Variants in PSD2 observed in about 807,000 individuals in gnomAD.
The protein encoded by PSD2 is pleckstrin and Sec7 domain containing 2.
Under a neutral mutation model 69.8 loss-of-function variants are expected in PSD2, and 38 were observed. The ratio of observed to expected loss-of-function variants is 0.54; its 90% CI spans 0.42 to 0.71. The LOEUF (loss-of-function observed/expected upper bound fraction) is 0.71, where lower values mean the gene tolerates loss of function less well. Ranked by LOEUF, PSD2 falls within the 30% of genes least tolerant of loss-of-function variation. The pLI is 0.00. For missense variants in PSD2, 943 were observed against 1,014.5 expected (o/e 0.93, Z 0.96); for synonymous variants, 412 against 423.0 (o/e 0.97, Z 0.32).
rs758086669 is a variant in PSD2 at position 139,836,966 on chromosome 5, C to A, written c.1559C>A (p.Thr520Asn). ...SATTYKHGVL[T>N]RKTHADMDGK... is the part of the protein sequence containing the mutation. Reference sequence around the variant, plus strand: ...ACCACCTACAAGCACGGCGTCCTGACCCGGAAGACTCACGCTGACATGGAT... The same window carrying A: ...ACCACCTACAAGCACGGCGTCCTGAACCGGAAGACTCACGCTGACATGGAT... The change falls in exon 10 of 15, where the codon ACC becomes AAC. Residue 520 changes from threonine (T) to asparagine (N), a missense_variant. By Grantham distance (65) the Thr-to-Asn change is moderately conservative. This residue lies in a region of PSD2 where 312 missense variants were observed against 400.7 expected (regional missense o/e 0.78). Coordinates refer to ENST00000274710, the MANE Select transcript of PSD2 (RefSeq NM_032289.4). 7 of 1,613,732 alleles carry A rather than the reference C, an allele frequency of 4.3e-6. No individual in the cohort carries two copies. Among genetic ancestry groups the A allele is most frequent in the South Asian group, 3.3e-5 (3 of 91,086 alleles).
At chr5:139,749,007 C>T in the PSD2 span, among the ~76,000 whole-genome samples, 1 of 152,088 alleles carries the variant, frequency 6.6e-6, no homozygotes, top group Admixed American at 6.5e-5. Context: ...TCAGGGCAGA[C>T]AGTCCTTCCT....
chr5:139,840,162 AC>A lies in PSD2; in HGVS notation c.2106del (p.Phe703SerfsTer15). 1 of 1,610,946 alleles carries A rather than the reference AC, an allele frequency of 6.2e-7. No individual in the cohort carries two copies. The highest frequency in any genetic ancestry group is 8.5e-7 in the Non-Finnish European group (1 of 1,177,400). ...EEYRLKEHYLTFEKSRYETYI... is the reference protein window; with the variant it reads ...EEYRLKEHYLXFEKSRYETYI... ...GTACCGGTTGAAGGAGCACTATCTC[AC>A]CTTCGAGGTGAGCCTTGGGGGACTG... On this transcript the variant is annotated frameshift_variant, in exon 14 of 15. Coordinates refer to ENST00000274710, the MANE Select transcript of PSD2 (RefSeq NM_032289.4). LOFTEE classifies it high-confidence loss of function.
intron 4 of PSD2, 45 bp from the exon 5 acceptor site, chr5:139,817,435 TG>T (rs1760148417): frequency 6.4e-7 from 1 of 1,555,094 alleles, no homozygotes; most frequent in Non-Finnish European, 8.9e-7. Flanking sequence ...CTGTCATCCT[TG>T]GGCTGGACCC....
In PSD2 at chr5:139,844,452, A is replaced by G. The variant is rs1467207625; in HGVS notation, c.*1978A>G. On this transcript the variant is annotated 3_prime_UTR_variant, in exon 15 of 15. Transcript: ENST00000274710. ...AAAAAGATGAGATGAAAATAAATCT[A>G]AGTCAAAGTTCTAATAGTTCTTCCT... 6.6e-6 allele frequency: 1 copy of G among 152,544 alleles called. No homozygotes were observed. Among genetic ancestry groups the G allele is most frequent in the Non-Finnish European group, 1.5e-5 (1 of 68,062 alleles). 9.4% of individuals were successfully genotyped at this position (152,544 alleles called of 1,614,324 possible). A position where few individuals can be genotyped will look rare whatever the true frequency, so the allele number is the denominator to read the frequency against.
At chr5:139,809,237 G>A (rs1031228956) in intron 1 of PSD2, among the ~76,000 whole-genome samples, 154 bp from the exon 2 acceptor site, 2 of 152,192 alleles carry the variant, frequency 1.3e-5, no homozygotes, top group Admixed American at 6.5e-5. Flanking sequence ...AGCATGGCCC[G>A]AACCCACACT....
chr5:139,778,773 C>CA, the PSD2 span, among the ~76,000 whole-genome samples: 1 of 151,076 alleles, frequency 6.6e-6, no homozygotes, highest in African/African-American at 2.4e-5. Context: ...AAAAAAAGTG[C>CA]AAAAAATTAG....
chr5:139,742,569 T>G, the PSD2 span: 1 of 152,578 alleles, frequency 6.6e-6, no homozygotes, highest in Admixed American at 6.5e-5. Context: ...TTCAGCCTGC[T>G]CAGGTAGGGC....
the PSD2 span, among the ~76,000 whole-genome samples, chr5:139,790,393 A>G: frequency 3.3e-5 from 5 of 152,072 alleles, no homozygotes; most frequent in Non-Finnish European, 7.4e-5. Flanking sequence ...TCACACACCG[A>G]GAAGCTTCAG....
chr5:139,840,622 C>T (rs1327635127), intron 14 of PSD2, among the ~76,000 whole-genome samples: 3 of 150,494 alleles, frequency 2.0e-5, no homozygotes, highest in Non-Finnish European at 4.4e-5. Context: ...ACGATCTTGG[C>T]TCACTATAAT....
At chr5:139,808,369 T>C (rs1390220178) in intron 1 of PSD2, among the ~76,000 whole-genome samples, 2 of 152,334 alleles carry the variant, frequency 1.3e-5, no homozygotes, top group East Asian at 3.9e-4. Context: ...CTGGGAAATG[T>C]GGGCTGGTCC....
At chr5:139,840,214 T>C (rs1329562201) in intron 14 of PSD2, 44 bp downstream of exon 14, 1 of 1,605,448 alleles carries the variant, frequency 6.2e-7, no homozygotes, top group South Asian at 1.1e-5. Flanking sequence ...TGCCCTGCTC[T>C]TTCTCCTTCC....
the PSD2 span, among the ~76,000 whole-genome samples, chr5:139,751,717 A>G: frequency 1.3e-5 from 2 of 151,626 alleles, no homozygotes; most frequent in South Asian, 2.1e-4. Flanking sequence ...TCATCAGGGA[A>G]GGAGAGATGA....
intron 1 of PSD2, among the ~76,000 whole-genome samples, chr5:139,800,277 T>C (rs1227013904): frequency 6.6e-6 from 1 of 152,258 alleles, no homozygotes; most frequent in Non-Finnish European, 1.5e-5. Context: ...TGAATGGGGC[T>C]GAGCAAAACA....
rs1464548880 is a variant in PSD2 at position 139,814,317 on chromosome 5, C to G, written c.969C>G (p.His323Gln). The G allele has an allele frequency of 6.2e-6, 10 of 1,612,186 alleles. No individual in the cohort carries two copies. In the African/African-American group the frequency reaches 1.3e-4, roughly 22 times the overall value. Residue 323 changes from histidine to glutamine, a missense_variant, in exon 4 of 15, where the codon CAC becomes CAG. By Grantham distance (24) the His-to-Gln change is conservative. Transcript: ENST00000274710. The surrounding 1 kb of genome is among the most constrained non-coding windows in gnomAD (Gnocchi z 4.4). The stretch of plus-strand genomic sequence containing the variant: ...ATCGGCTGGCACGCCGTCTCTACCA[C>G]CTCGAGGGCTTCCAGCGCTGTGATG... The part of the protein sequence containing the change: ...AAHRLARRLY[H>Q]LEGFQRCDVA...
intron 5 of PSD2, 140 bp downstream of exon 5, chr5:139,817,701 C>T: frequency 1.5e-6 from 1 of 687,030 alleles, no homozygotes. Context: ...GAAGGGGCCA[C>T]AGGAGCAGCA....
At chr5:139,753,818 GTTT>G in the PSD2 span, among the ~76,000 whole-genome samples, 9 of 143,420 alleles carry the variant, frequency 6.3e-5, no homozygotes, top group African/African-American at 2.4e-4. Context: ...TCCCAGAGTT[GTTT>G]TTTTTTTTGT....
At position 139,809,537 on chromosome 5, in the gene PSD2, G is replaced by T. The variant is rs2126934343; in HGVS notation, c.97G>T (p.Gly33Trp). The T allele has an allele frequency of 6.2e-7, 1 of 1,613,546 alleles. No individual in the cohort carries two copies. Among genetic ancestry groups the T allele is most frequent in the East Asian group, 2.2e-5 (1 of 44,864 alleles). Residue 33 changes from glycine (G) to tryptophan (W), a missense_variant, in exon 2 of 15, where the codon GGG (glycine) becomes TGG (tryptophan). By Grantham distance (184) the Gly-to-Trp change is radical (BLOSUM62 -2). Around this residue, in one of 3 missense-constraint regions of PSD2, gnomAD observed 466 missense variants for 445.0 expected, o/e 1.05. Coordinates refer to ENST00000274710, the MANE Select transcript of PSD2 (RefSeq NM_032289.4). ...EPEEEPGVRN[G>W]MASEGLNSSL... is the part of the protein sequence containing the mutation. ...TGAAGAGGAGCCAGGGGTCCGGAAT[G>T]GGATGGCCAGTGAGGGCCTGAACAG... is the stretch of plus-strand genomic sequence containing the variant.
intron 7 of PSD2, among the ~76,000 whole-genome samples, chr5:139,827,835 A>T (rs1200259512): frequency 6.6e-6 from 1 of 152,234 alleles, no homozygotes; most frequent in South Asian, 2.1e-4. Flanking sequence ...AACCACCCCC[A>T]TGATCCAATC....
chr5:139,786,372 A>G, the PSD2 span, among the ~76,000 whole-genome samples: 1 of 152,222 alleles, frequency 6.6e-6, no homozygotes, highest in Non-Finnish European at 1.5e-5. Flanking sequence ...TGGGGGACAG[A>G]GCAAGACCCT....
Sources: gnomAD v4.1 joint callset for allele counts (sites outside exome capture counted in the v4.1 genomes callset) on GRCh38, gnomAD v4.1.1 for gene constraint, gnomAD v4.1.1 regional missense constraint, Gnocchi (gnomAD v3.1) non-coding constraint, MANE v1.5 for transcripts, NCBI Gene and HGNC (gene_info 2026-07-23, HGNC 2026-07-21) for gene names.